The following CPED1 variants were observed in gnomAD, a reference collection of about 807,000 sequenced individuals.
CPED1 encodes cadherin like and PC-esterase domain containing 1.
Under a neutral mutation model 128.2 loss-of-function variants are expected in CPED1, and 114 were observed. The ratio of observed to expected loss-of-function variants is 0.89; its 90% CI spans 0.76 to 1.04. CPED1 has a LOEUF of 1.04. Ranked by LOEUF, CPED1 falls within the 50% of genes least tolerant of loss-of-function variation. CPED1 has a pLI of 0.00. For missense variants in CPED1, 1,211 were observed against 1,207.1 expected, an observed-to-expected ratio of 1.00 and a Z score of -0.05; for synonymous variants, 462 against 426.7, an observed-to-expected ratio of 1.08 and a Z score of -1.02.
At chr7:121,165,518 T>C (rs921569643) in intron 16 of CPED1, among the ~76,000 whole-genome samples, 1 of 152,210 alleles carries the variant, frequency 6.6e-6, no homozygotes, top group African/African-American at 2.4e-5. Context: ...GAAAGAGTGA[T>C]AGTATGTTTA....
At chr7:121,201,771 C>T (rs1036388382) in intron 16 of CPED1, among the ~76,000 whole-genome samples, 2 of 151,946 alleles carry the variant, frequency 1.3e-5, no homozygotes, top group African/African-American at 4.8e-5. Context: ...TCCTCCTCTC[C>T]TCTACACCTA....
intron 5 of CPED1, among the ~76,000 whole-genome samples, chr7:121,082,782 G>GA (rs967988591): frequency 4.3e-4 from 66 of 152,076 alleles, no homozygotes; most frequent in African/African-American, 1.6e-3. Flanking sequence ...TGATAAACTT[G>GA]AACCACTATA....
At chr7:121,144,431 A>T (rs2116378099) in intron 16 of CPED1, among the ~76,000 whole-genome samples, 1 of 152,168 alleles carries the variant, frequency 6.6e-6, no homozygotes, top group African/African-American at 2.4e-5. Context: ...GTCAGGAACA[A>T]AAAGACAAAT....
Position 121,027,159 on chromosome 7 carries a change from C to T in CPED1, c.433+11311C>T, listed in dbSNP as rs567696637. On this transcript the variant is annotated intron_variant, in intron 3 of 22. Transcript: ENST00000310396. ...CCTGGCTCTGTCATTTCTTAAAGTT[C>T]AAATGAATGTATGAAATCCCCCCTC... is the stretch of plus-strand genomic sequence containing the variant. Among the ~76,000 whole-genome samples, 5 of 152,006 alleles carry T rather than the reference C, an allele frequency of 3.3e-5. No homozygotes were observed. The South Asian group carries it at 1.0e-3, about 32-fold the overall frequency.
At chr7:121,066,118 A>C (rs1280295781) in intron 5 of CPED1, among the ~76,000 whole-genome samples, 1 of 152,154 alleles carries the variant, frequency 6.6e-6, no homozygotes, top group Admixed American at 6.6e-5. Context: ...ACGTGTCAGC[A>C]CCTAAATATA....
Position 121,252,261 on chromosome 7 carries a change from A to G in CPED1, c.2310+7923A>G, listed in dbSNP as rs534610584. 1.1e-4 allele frequency among the ~76,000 whole-genome samples: 16 copies of G among 152,114 alleles called. No homozygotes were observed. The South Asian group carries it at 3.3e-3, about 32-fold the overall frequency. On this transcript the variant is annotated intron_variant, in intron 18 of 22. Transcript: ENST00000310396. ...GATACTGGGAAAACTGGCTAGCCATATGTAGAAAGCTGAAACTGGATCCCT... is the reference window on the plus strand; with the variant it reads ...GATACTGGGAAAACTGGCTAGCCATGTGTAGAAAGCTGAAACTGGATCCCT...
chr7:121,227,339 G>A (rs115493449), intron 16 of CPED1, among the ~76,000 whole-genome samples: 61 of 152,134 alleles, frequency 4.0e-4, no homozygotes, highest in African/African-American at 1.4e-3. Context: ...ATCACATGCT[G>A]AGGACTCTGA....
Position 121,133,848 on chromosome 7 carries a change from A to C in CPED1, c.1603A>C (p.Ile535Leu), listed in dbSNP as rs750530352. 1.9e-6 allele frequency: 3 copies of C among 1,603,500 alleles called. No homozygotes were observed. Residue 535 changes from isoleucine (I) to leucine (L), a missense_variant, in exon 13 of 23, where the codon ATT (isoleucine) becomes CTT (leucine). Ile to Leu is a conservative substitution (Grantham distance 5, BLOSUM62 2). Transcript: ENST00000310396. The stretch of plus-strand genomic sequence containing the variant: ...GAATTCTTTCACAGAAGATAAGAAC[A>C]TTGAAAAACCACAAGTGCCATTTGA... ...EWNSFTEDKN[I>L]EKPQVPFDAI...
At position 121,015,862 on chromosome 7, in the gene CPED1, G is replaced by A; in HGVS notation, c.433+14G>A. The A allele has an allele frequency of 2.1e-6, 3 of 1,439,304 alleles. No individual in the cohort carries two copies. Among genetic ancestry groups the A allele is most frequent in the Non-Finnish European group, 2.7e-6 (3 of 1,094,796 alleles). 89.2% of individuals were successfully genotyped at this position (1,439,304 alleles called of 1,614,324 possible). A position where few individuals can be genotyped will look rare whatever the true frequency, so the allele number is the denominator to read the frequency against. On this transcript the variant is annotated intron_variant, in intron 3 of 22. Coordinates refer to ENST00000310396, the MANE Select transcript of CPED1 (RefSeq NM_024913.5). The stretch of plus-strand genomic sequence containing the variant: ...TACTAGAACAAGGTCAGAATAGTGA[G>A]AAGTAACTGCCAAAGTCACTTGACA...
chr7:121,261,416 T>C (rs1175744699), intron 18 of CPED1, among the ~76,000 whole-genome samples: 1 of 152,040 alleles, frequency 6.6e-6, no homozygotes, highest in African/African-American at 2.4e-5. Context: ...AGACTTAGCA[T>C]GTAAGAGAAT....
Position 121,194,032 on chromosome 7 carries a change from A to C in CPED1, c.2056-42682A>C, listed in dbSNP as rs1463758662. Among the ~76,000 whole-genome samples, 204 of 98,952 alleles carry C rather than the reference A, an allele frequency of 2.1e-3. 1 individual carries two copies. Among genetic ancestry groups the C allele is most frequent in the African/African-American group, 8.1e-3 (191 of 23,646 alleles). 64.9% of individuals were successfully genotyped at this position (98,952 alleles called of 152,430 possible). On this transcript the variant is annotated intron_variant, in intron 16 of 22. Transcript: ENST00000310396. ...TCTCTCTCTCTCTCTCTATATATATATATATATATATATATATTTTTTTTT... is the reference window on the plus strand; with the variant it reads ...TCTCTCTCTCTCTCTCTATATATATCTATATATATATATATATTTTTTTTT...
At chr7:121,226,623 G>C (rs1014292195) in intron 16 of CPED1, among the ~76,000 whole-genome samples, 1 of 151,980 alleles carries the variant, frequency 6.6e-6, no homozygotes, top group Non-Finnish European at 1.5e-5. Flanking sequence ...CAGTATAATT[G>C]CTGGTTTAAA....
At chr7:121,051,079 A>C (rs1238775319) in intron 4 of CPED1, 6 of 527,602 alleles carry the variant, frequency 1.1e-5, no homozygotes, top group South Asian at 4.5e-5. Flanking sequence ...AAGGAGAGCA[A>C]AGGGAAAACA....
chr7:121,284,488 G>A (rs1257486081), intron 22 of CPED1, among the ~76,000 whole-genome samples: 1 of 152,102 alleles, frequency 6.6e-6, no homozygotes, highest in East Asian at 1.9e-4. Context: ...TCTCATCTGA[G>A]ACAAGGCAAG....
Position 121,267,212 on chromosome 7 carries a change from C to T in CPED1, c.2634-3C>T, listed in dbSNP as rs60982266. On this transcript the variant is annotated splice_region_variant and splice_polypyrimidine_tract_variant and intron_variant, in intron 20 of 22. Transcript: ENST00000310396. ...ACTTTAGAATTATAATTATCTCATT[C>T]AGGGAAAATTTACTCAATATCCTAG... is the stretch of plus-strand genomic sequence containing the variant. The T allele has an allele frequency of 6.6e-7, 1 of 1,520,360 alleles. No individual in the cohort carries two copies. 94.2% of individuals were successfully genotyped at this position (1,520,360 alleles called of 1,614,324 possible).
intron 13 of CPED1, among the ~76,000 whole-genome samples, chr7:121,135,435 C>G (rs1795763948): frequency 1.3e-5 from 2 of 152,004 alleles, no homozygotes; most frequent in South Asian, 4.1e-4. Flanking sequence ...GTGATGAGAC[C>G]CAGCGATTTG....
chr7:121,036,790 G>A (rs180833861), intron 3 of CPED1, among the ~76,000 whole-genome samples: 1 of 152,054 alleles, frequency 6.6e-6, no homozygotes, highest in Admixed American at 6.5e-5. Context: ...CTACATTCAT[G>A]CCAACATCTA....
chr7:121,032,117 C>T (rs1452876764), intron 3 of CPED1, among the ~76,000 whole-genome samples: 1 of 152,036 alleles, frequency 6.6e-6, no homozygotes, highest in African/African-American at 2.4e-5. Context: ...ACTTTTAAGC[C>T]AACAATCTTA....
At chr7:121,277,741 T>C (rs1365927716) in intron 22 of CPED1, among the ~76,000 whole-genome samples, 1 of 152,116 alleles carries the variant, frequency 6.6e-6, no homozygotes, top group Non-Finnish European at 1.5e-5. Context: ...GGTTACGTTT[T>C]TAACTTCCAA....
Sources: allele counts gnomAD v4.1 joint callset (sites outside exome capture counted in the v4.1 genomes callset), GRCh38; gene constraint gnomAD v4.1.1; transcripts MANE v1.5; gene names NCBI Gene and HGNC (gene_info 2026-07-23, HGNC 2026-07-21).